The following TPST2 variants were observed in gnomAD, a reference collection of about 807,000 sequenced individuals.
TPST2 encodes the protein tyrosylprotein sulfotransferase 2.
A neutral mutation model predicts 27.8 loss-of-function variants in TPST2; 16 were observed. The observed-to-expected ratio is 0.58, with a 90% confidence interval of 0.39 to 0.88. TPST2 has a LOEUF of 0.88. Ranked by LOEUF, TPST2 falls within the 40% of genes least tolerant of loss-of-function variation. The pLI is 0.00. For missense variants in TPST2, 464 were observed against 543.1 expected (o/e 0.85, Z 1.45); for synonymous variants, 229 against 231.7 (o/e 0.99, Z 0.10).
intron 1 of TPST2, among the ~76,000 whole-genome samples, chr22:26,585,049 A>G (rs1315114371): frequency 6.6e-6 from 1 of 152,244 alleles, no homozygotes; most frequent in Non-Finnish European, 1.5e-5. Context: ...CCCCTGGAAG[A>G]TAGGTCCTAC....
intron 1 of TPST2, among the ~76,000 whole-genome samples, chr22:26,587,041 C>T (rs1928373425): frequency 6.6e-6 from 1 of 152,162 alleles, no homozygotes; most frequent in South Asian, 2.1e-4. Flanking sequence ...TCACATAGGA[C>T]ACTCCGGTGG....
At chr22:26,556,316 A>G (rs1220376789) in intron 1 of TPST2, among the ~76,000 whole-genome samples, 1 of 152,156 alleles carries the variant, frequency 6.6e-6, no homozygotes, top group Non-Finnish European at 1.5e-5. Context: ...AGGTGGGCGG[A>G]TCACCTGAGG....
At chr22:26,585,473 G>A (rs1928305796) in intron 1 of TPST2, among the ~76,000 whole-genome samples, 1 of 152,166 alleles carries the variant, frequency 6.6e-6, no homozygotes, top group Non-Finnish European at 1.5e-5. Context: ...CCTGAGAAGT[G>A]ACGGGAGGGG....
intron 1 of TPST2, chr22:26,555,191 T>G (rs751278896): frequency 1.9e-6 from 1 of 533,796 alleles, no homozygotes; most frequent in South Asian, 1.4e-5. Flanking sequence ...GCTCCCTCTC[T>G]GTGAAACACC....
intron 1 of TPST2, among the ~76,000 whole-genome samples, chr22:26,559,637 G>T (rs1254892289): frequency 1.3e-5 from 2 of 152,162 alleles, no homozygotes; most frequent in African/African-American, 4.8e-5. Context: ...TCATAAAAAT[G>T]GAATCACACA....
At chr22:26,549,806 G>A (rs1250030514) in intron 1 of TPST2, among the ~76,000 whole-genome samples, 1 of 148,354 alleles carries the variant, frequency 6.7e-6, no homozygotes, top group Non-Finnish European at 1.5e-5. Context: ...CGAGGCAGGT[G>A]GATCACGAAG....
chr22:26,555,442 T>G (rs1204942399), intron 1 of TPST2: 3 of 355,024 alleles, frequency 8.5e-6, no homozygotes, highest in Non-Finnish European at 1.7e-5. Flanking sequence ...CTTGAGCCAG[T>G]GACTTCTTGT....
chr22:26,536,766 A>G (rs1420480195), intron 3 of TPST2, among the ~76,000 whole-genome samples: 1 of 152,248 alleles, frequency 6.6e-6, no homozygotes, highest in Non-Finnish European at 1.5e-5. Context: ...TTAAAAAATA[A>G]CAACAGTTTA....
intron 1 of TPST2, among the ~76,000 whole-genome samples, chr22:26,588,433 A>G (rs938933708): frequency 3.3e-5 from 5 of 152,220 alleles, no homozygotes; most frequent in African/African-American, 9.6e-5. Context: ...TCTTTTGGGC[A>G]TGATAAAAAT....
At chr22:26,586,092 G>A (rs1230198394) in intron 1 of TPST2, among the ~76,000 whole-genome samples, 1 of 151,824 alleles carries the variant, frequency 6.6e-6, no homozygotes, top group African/African-American at 2.4e-5. Flanking sequence ...CAGCCTAACC[G>A]ATCCCAAGGC....
intron 3 of TPST2, among the ~76,000 whole-genome samples, 193 bp downstream of exon 3, chr22:26,540,596 G>A (rs28600366): frequency 0.11 from 16,544 of 152,158 alleles, 1,295 homozygotes; most frequent in African/African-American, 0.22. Context: ...AACAGCCCAC[G>A]AAGTTTGCAG....
intron 1 of TPST2, among the ~76,000 whole-genome samples, chr22:26,559,034 G>A (rs1025792148): frequency 2.6e-5 from 4 of 152,218 alleles, no homozygotes; most frequent in African/African-American, 4.8e-5. Context: ...GCTTTACTGA[G>A]GGACAATGCA....
intron 1 of TPST2, among the ~76,000 whole-genome samples, chr22:26,570,542 G>A (rs982992887): frequency 2.0e-5 from 3 of 152,106 alleles, no homozygotes. Context: ...GGTCACACTT[G>A]GCTACTGTGG....
intron 1 of TPST2, among the ~76,000 whole-genome samples, chr22:26,580,714 C>T (rs907664429): frequency 6.6e-6 from 1 of 152,056 alleles, no homozygotes; most frequent in African/African-American, 2.4e-5. Flanking sequence ...TGGCTAGAGA[C>T]GGCCGCCAGC....
At chr22:26,566,280 C>T (rs1326476748) in intron 1 of TPST2, among the ~76,000 whole-genome samples, 1 of 151,980 alleles carries the variant, frequency 6.6e-6, no homozygotes, top group African/African-American at 2.4e-5. Flanking sequence ...AGGCTGGGTG[C>T]GGTGGCTCAC....
chr22:26,542,430 G>A (rs1188563190), intron 2 of TPST2, among the ~76,000 whole-genome samples: 2 of 152,038 alleles, frequency 1.3e-5, no homozygotes, highest in Non-Finnish European at 2.9e-5. Flanking sequence ...TCCCGCCTCA[G>A]CCTCCCAAAA....
chr22:26,534,385 G>A (rs1205777793), intron 4 of TPST2, among the ~76,000 whole-genome samples: 1 of 152,140 alleles, frequency 6.6e-6, no homozygotes, highest in Non-Finnish European at 1.5e-5. Context: ...AAGACTTGTT[G>A]ACCGCCCCAG....
chr22:26,578,357 A>G (rs894929426), intron 1 of TPST2, among the ~76,000 whole-genome samples: 1 of 152,208 alleles, frequency 6.6e-6, no homozygotes, highest in Non-Finnish European at 1.5e-5. Flanking sequence ...AACAGCGCTT[A>G]GGAACCTACA....
At chr22:26,542,412 A>G (rs1925915765) in intron 2 of TPST2, among the ~76,000 whole-genome samples, 1 of 151,432 alleles carries the variant, frequency 6.6e-6, no homozygotes, top group African/African-American at 2.4e-5. Context: ...TCTCGCTTCA[A>G]GTGATCCTCC....
Sources: gnomAD v4.1 joint callset for allele counts (sites outside exome capture counted in the v4.1 genomes callset) on GRCh38, gnomAD v4.1.1 for gene constraint, MANE v1.5 for transcripts, NCBI Gene and HGNC (gene_info 2026-07-23, HGNC 2026-07-21) for gene names.